CNTNAP5: variants seen among roughly 807,000 people sequenced by gnomAD.
CNTNAP5 encodes the protein contactin-associated protein-like 5.
In CNTNAP5, 72 loss-of-function variants were observed where a neutral mutation model predicts 150.2. The ratio of observed to expected loss-of-function variants is 0.48; its 90% CI spans 0.40 to 0.58. The LOEUF (loss-of-function observed/expected upper bound fraction) is 0.58. CNTNAP5 is among the 20% of genes least tolerant of loss of function. CNTNAP5 has a pLI of 0.00. For missense variants in CNTNAP5, 1,636 were observed against 1,626.2 expected, an observed-to-expected ratio of 1.01 and a Z score of -0.10; for synonymous variants, 672 against 619.8, an observed-to-expected ratio of 1.08 and a Z score of -1.25.
intron 3 of CNTNAP5, among the ~76,000 whole-genome samples, chr2:124,308,749 C>T (rs968060938): frequency 3.3e-5 from 5 of 152,172 alleles, no homozygotes; most frequent in African/African-American, 4.8e-5. Flanking sequence ...TATAAAAGCA[C>T]TAACTGGGCC....
In CNTNAP5 at chr2:124,920,933, T is replaced by C. The variant is rs1678859261; in HGVS notation, c.*6645T>C. Among the ~76,000 whole-genome samples, 1 of 152,098 alleles carries C rather than the reference T, an allele frequency of 6.6e-6. No homozygotes were observed. The highest frequency in any genetic ancestry group is 1.5e-5 in the Non-Finnish European group (1 of 67,998). On this transcript the variant is annotated 3_prime_UTR_variant, in exon 24 of 24. Coordinates refer to ENST00000682447, the MANE Select transcript of CNTNAP5 (RefSeq NM_001367498.1). ...ACATATGTCAGACTCTTTATTATGG[T>C]AAAAGCACAAAACAGGTCATCTTTT...
Position 124,915,744 on chromosome 2 carries a change from C to A in CNTNAP5, c.*1456C>A, listed in dbSNP as rs1025019255. On this transcript the variant is annotated 3_prime_UTR_variant, in exon 24 of 24. Transcript: ENST00000682447. Reference sequence around the variant, plus strand: ...AAACAGTCATTCCTTCAAGAAGGCACCTTGAGCTCATCCATGGGGTGGCGG... The same window carrying A: ...AAACAGTCATTCCTTCAAGAAGGCAACTTGAGCTCATCCATGGGGTGGCGG... Among the ~76,000 whole-genome samples the A allele has an allele frequency of 6.6e-6, 1 of 152,018 alleles. No homozygotes were observed. Among genetic ancestry groups the A allele is most frequent in the Non-Finnish European group, 1.5e-5 (1 of 67,986 alleles).
At chr2:124,376,929 T>C (rs921856999) in intron 3 of CNTNAP5, among the ~76,000 whole-genome samples, 4 of 152,080 alleles carry the variant, frequency 2.6e-5, no homozygotes, top group African/African-American at 9.7e-5. Flanking sequence ...TTCCTGTGTT[T>C]AAATGGAAAT....
At chr2:124,804,256 GGAT>G (rs1324514641) in intron 19 of CNTNAP5, among the ~76,000 whole-genome samples, 47 of 152,276 alleles carry the variant, frequency 3.1e-4, no homozygotes, top group African/African-American at 1.1e-3. Flanking sequence ...GAAGGTCAAT[GGAT>G]GATAAGGGCA....
intron 2 of CNTNAP5, among the ~76,000 whole-genome samples, chr2:124,223,622 C>G (rs975163081): frequency 9.2e-5 from 14 of 151,930 alleles, no homozygotes; most frequent in Non-Finnish European, 1.9e-4. Context: ...AAAGCAATTA[C>G]TACTGCCTAA....
chr2:124,669,481 G>C (rs1160660622), intron 13 of CNTNAP5, among the ~76,000 whole-genome samples: 1 of 152,190 alleles, frequency 6.6e-6, no homozygotes, highest in Non-Finnish European at 1.5e-5. Flanking sequence ...ACAAGAAGAA[G>C]GTCTTAGGGC....
At chr2:124,386,109 T>TG (rs1485539070) in intron 3 of CNTNAP5, among the ~76,000 whole-genome samples, 1 of 152,114 alleles carries the variant, frequency 6.6e-6, no homozygotes, top group Non-Finnish European at 1.5e-5. Context: ...TGTGGAGTGA[T>TG]GGGGGGTACC....
chr2:124,581,714 A>T lies in CNTNAP5; in HGVS notation c.1756+18391A>T, dbSNP rs149706974. On this transcript the variant is annotated intron_variant, in intron 11 of 23. Coordinates refer to ENST00000682447, the MANE Select transcript of CNTNAP5 (RefSeq NM_001367498.1). Reference sequence around the variant, plus strand: ...ACCCAAAGACCTAGCCAGCACAGAGATGAACCAGTGTCCTGAAATGCAAAC... The same window carrying T: ...ACCCAAAGACCTAGCCAGCACAGAGTTGAACCAGTGTCCTGAAATGCAAAC... Among the ~76,000 whole-genome samples, 173 of 152,306 alleles carry T rather than the reference A, an allele frequency of 1.1e-3. 1 individual carries two copies. Among genetic ancestry groups the T allele is most frequent in the Non-Finnish European group, 2.1e-3 (140 of 68,014 alleles).
chr2:124,670,175 T>TCCTC (rs1336282757), intron 13 of CNTNAP5, among the ~76,000 whole-genome samples: 4,604 of 136,306 alleles, frequency 0.034, 217 homozygotes, highest in African/African-American at 0.094. Flanking sequence ...CTTCCTTCCT[T>TCCTC]CCTCCCTCTC....
chr2:124,145,670 G>A (rs1424071953), intron 1 of CNTNAP5, among the ~76,000 whole-genome samples: 2 of 122,866 alleles, frequency 1.6e-5, no homozygotes, highest in African/African-American at 3.2e-5. Flanking sequence ...GGGAGGGATA[G>A]CATTGGGAGA....
intron 13 of CNTNAP5, among the ~76,000 whole-genome samples, chr2:124,682,652 C>G (rs1281852573): frequency 6.6e-6 from 1 of 152,144 alleles, no homozygotes; most frequent in Non-Finnish European, 1.5e-5. Flanking sequence ...TCTTCAATGG[C>G]TTAGGTTAAT....
At chr2:124,175,847 T>C (rs1318625124) in intron 1 of CNTNAP5, among the ~76,000 whole-genome samples, 1 of 152,210 alleles carries the variant, frequency 6.6e-6, no homozygotes, top group African/African-American at 2.4e-5. Context: ...CCACAACTGA[T>C]GGGCACCTAG....
At chr2:124,621,129 CT>C (rs1677605905) in intron 12 of CNTNAP5, among the ~76,000 whole-genome samples, 1 of 152,042 alleles carries the variant, frequency 6.6e-6, no homozygotes, top group African/African-American at 2.4e-5. Flanking sequence ...TACATTGTGC[CT>C]TTTTTAATGT....
intron 19 of CNTNAP5, among the ~76,000 whole-genome samples, chr2:124,849,726 C>T (rs1683117711): frequency 6.6e-6 from 1 of 152,156 alleles, no homozygotes; most frequent in African/African-American, 2.4e-5. Flanking sequence ...GCGTCATACA[C>T]ATTTAACATT....
At chr2:124,833,959 T>C (rs1263145978) in intron 19 of CNTNAP5, among the ~76,000 whole-genome samples, 2 of 152,200 alleles carry the variant, frequency 1.3e-5, no homozygotes, top group African/African-American at 4.8e-5. Flanking sequence ...TTTGTGAAAT[T>C]ACTCTGGCAT....
chr2:124,212,901 C>T (rs564303577), intron 1 of CNTNAP5, among the ~76,000 whole-genome samples: 1 of 129,766 alleles, frequency 7.7e-6, no homozygotes, highest in Non-Finnish European at 1.5e-5. Flanking sequence ...TGCAATGGCG[C>T]TATCTCTGCT....
At chr2:124,667,193 T>C (rs1272036457) in intron 13 of CNTNAP5, among the ~76,000 whole-genome samples, 1 of 152,178 alleles carries the variant, frequency 6.6e-6, no homozygotes, top group Non-Finnish European at 1.5e-5. Flanking sequence ...TGCACCTCAG[T>C]AGGGTGTGCT....
chr2:124,848,895 C>G (rs547960847), intron 19 of CNTNAP5, among the ~76,000 whole-genome samples: 86 of 152,222 alleles, frequency 5.6e-4, no homozygotes, highest in African/African-American at 1.9e-3. Context: ...TATTAAATCC[C>G]TGCCAGATCT....
intron 3 of CNTNAP5, among the ~76,000 whole-genome samples, chr2:124,383,522 T>G (rs1173246767): frequency 6.6e-6 from 1 of 152,196 alleles, no homozygotes; most frequent in Non-Finnish European, 1.5e-5. Context: ...TACACTCTGG[T>G]ACTGCAGTCC....
Sources: allele counts gnomAD v4.1 joint callset (sites outside exome capture counted in the v4.1 genomes callset), GRCh38; gene constraint gnomAD v4.1.1; transcripts MANE v1.5; gene names NCBI Gene and HGNC (gene_info 2026-07-23, HGNC 2026-07-21).